WIPF1: variants seen among roughly 807,000 people sequenced by gnomAD.
WIPF1 encodes the protein WAS/WASL interacting protein family member 1.
A neutral mutation model predicts 35.4 loss-of-function variants in WIPF1; 13 were observed. The ratio of observed to expected loss-of-function variants is 0.37; its 90% CI spans 0.24 to 0.58. The LOEUF (loss-of-function observed/expected upper bound fraction) is 0.58. Among genes scored for constraint, WIPF1 ranks in the 20% least tolerant of loss-of-function variants. The probability of loss-of-function intolerance (pLI) is 0.74; values close to 1 mark genes in which losing one functional copy is unlikely to be tolerated. For synonymous variants in WIPF1, 267 were observed against 266.3 expected (o/e 1.00, Z -0.02); for missense variants, 591 against 667.0 (o/e 0.89, Z 1.25).
At chr2:174,678,079 G>C (rs548727106) in intron 1 of WIPF1, among the ~76,000 whole-genome samples, 1 of 152,078 alleles carries the variant, frequency 6.6e-6, no homozygotes, top group Admixed American at 6.5e-5. Context: ...TTACAGAAAG[G>C]GAAAGAGGGA....
chr2:174,662,254 G>A (rs1300440989), intron 1 of WIPF1, among the ~76,000 whole-genome samples: 3 of 152,208 alleles, frequency 2.0e-5, no homozygotes, highest in East Asian at 3.8e-4. Context: ...AGGGAATAAT[G>A]ACTATAGAAT....
At chr2:174,675,434 A>T (rs553096417) in intron 1 of WIPF1, among the ~76,000 whole-genome samples, 2 of 151,584 alleles carry the variant, frequency 1.3e-5, no homozygotes, top group Non-Finnish European at 2.9e-5. Context: ...ATAGCTTACT[A>T]TAACCTTAAA....
Position 174,571,539 on chromosome 2 carries a change from T to C in WIPF1, c.1129+137A>G, listed in dbSNP as rs1245010374. 8.4e-7 allele frequency: 1 copy of C among 1,188,878 alleles called. No individual in the cohort carries two copies. The highest frequency in any genetic ancestry group is 1.5e-5 in the African/African-American group (1 of 66,638). The allele number at this position is 1,188,878 out of a possible 1,614,324, so 73.6% of individuals were successfully genotyped here. ...TTACACGAGGTCACGATCACACGTG[T>C]CGTGTGCCACTTAAAAGCACAAAGC... On this transcript the variant is annotated intron_variant, in intron 5 of 7. Transcript: ENST00000679041. This position sits in a 1 kb window ranked among gnomAD's most constrained non-coding sequence, Gnocchi z 4.6.
At chr2:174,600,594 C>A (rs981954403), upstream of WIPF1, among the ~76,000 whole-genome samples, 5 of 152,174 alleles carry the variant, frequency 3.3e-5, no homozygotes, top group African/African-American at 1.2e-4. Flanking sequence ...TCTTTTTGTT[C>A]CTTTTTATTC....
intron 1 of WIPF1, among the ~76,000 whole-genome samples, chr2:174,635,207 T>C (rs1687149915): frequency 6.6e-6 from 1 of 152,238 alleles, no homozygotes; most frequent in Non-Finnish European, 1.5e-5. Flanking sequence ...ACAAAACCAC[T>C]GTATTCTCAG....
In WIPF1 at chr2:174,622,783, T is replaced by G. The variant is rs1418572487; in HGVS notation, c.-38-37172A>C. Reference sequence around the variant, plus strand: ...ACAATTTTTATTTTTGTTTTTAATTTTTGTGGGTACACAGTCTTTGTTTTG... The same window carrying G: ...ACAATTTTTATTTTTGTTTTTAATTGTTGTGGGTACACAGTCTTTGTTTTG... On this transcript the variant is annotated intron_variant, in intron 1 of 8. Coordinates refer to the WIPF1 transcript ENST00000272746. The surrounding 1 kb of genome is among the most constrained non-coding windows in gnomAD (Gnocchi z 5.1). Among the ~76,000 whole-genome samples the G allele has an allele frequency of 6.6e-6, 1 of 152,226 alleles. No individual in the cohort carries two copies. Among genetic ancestry groups the G allele is most frequent in the Non-Finnish European group, 1.5e-5 (1 of 68,042 alleles).
chr2:174,572,622 C>T (rs1684910479), intron 4 of WIPF1, among the ~76,000 whole-genome samples, 176 bp from the exon 5 acceptor site: 1 of 152,090 alleles, frequency 6.6e-6, no homozygotes, highest in Non-Finnish European at 1.5e-5. Context: ...GAAAATCGAC[C>T]ATAGCTCTAT....
chr2:174,628,557 G>C (rs552867617), intron 1 of WIPF1, among the ~76,000 whole-genome samples: 23 of 152,288 alleles, frequency 1.5e-4, no homozygotes, highest in African/African-American at 5.3e-4. Context: ...CTGTCTTCCA[G>C]GAATTACGTA....
intron 1 of WIPF1, among the ~76,000 whole-genome samples, chr2:174,619,074 C>T (rs1467061953): frequency 6.6e-6 from 1 of 152,066 alleles, no homozygotes; most frequent in East Asian, 1.9e-4. Context: ...CTACCTCAGC[C>T]TCCTGAGTAG....
chr2:174,608,125 G>C (rs910083523), intron 1 of WIPF1, among the ~76,000 whole-genome samples: 2 of 152,140 alleles, frequency 1.3e-5, no homozygotes, highest in Non-Finnish European at 2.9e-5. Context: ...TTCTCACGCA[G>C]GGCTGTTTGC....
intron 5 of WIPF1, among the ~76,000 whole-genome samples, chr2:174,569,516 C>T (rs2105800590): frequency 6.6e-6 from 1 of 152,308 alleles, no homozygotes; most frequent in East Asian, 1.9e-4. Context: ...AACTTCATCT[C>T]ATTTTCTTTT....
intron 1 of WIPF1, among the ~76,000 whole-genome samples, chr2:174,632,963 G>A (rs115659149): frequency 0.023 from 3,436 of 152,148 alleles, 125 homozygotes; most frequent in African/African-American, 0.076. Flanking sequence ...AGGTACAAGA[G>A]GCCTTCCTAC....
At chr2:174,596,103 C>T (rs1276321553) in intron 1 of WIPF1, among the ~76,000 whole-genome samples, 4 of 152,128 alleles carry the variant, frequency 2.6e-5, no homozygotes, top group African/African-American at 2.4e-5. Context: ...AGTTGCTGCT[C>T]GATCCCAGGA....
intron 1 of WIPF1, among the ~76,000 whole-genome samples, chr2:174,668,466 G>A (rs144498217): frequency 8.1e-4 from 124 of 152,250 alleles, no homozygotes; most frequent in African/African-American, 2.5e-3. Context: ...CCAGCTGAAC[G>A]TAACTTACTA....
rs1684453172 is a variant in WIPF1 at position 174,560,323 on chromosome 2, A to G, written c.*2224T>C. On this transcript the variant is annotated 3_prime_UTR_variant, in exon 8 of 8. Coordinates refer to ENST00000679041, the MANE Select transcript of WIPF1 (RefSeq NM_001375834.1). Reference sequence around the variant, plus strand: ...CAACTTTGAGCTATCACCCTGTTTCAGATTTAGAACGGTACCTGCCAAGTT... The same window carrying G: ...CAACTTTGAGCTATCACCCTGTTTCGGATTTAGAACGGTACCTGCCAAGTT... The G allele has an allele frequency of 6.6e-6, 1 of 152,616 alleles. No homozygotes were observed. Among genetic ancestry groups the G allele is most frequent in the Non-Finnish European group, 1.5e-5 (1 of 68,014 alleles). The allele number at this position is 152,616 out of a possible 1,614,324, so 9.5% of individuals were successfully genotyped here.
chr2:174,647,071 G>C (rs1244552316), intron 1 of WIPF1, among the ~76,000 whole-genome samples: 1 of 152,178 alleles, frequency 6.6e-6, no homozygotes, highest in Non-Finnish European at 1.5e-5. Context: ...AGGTGGTGAA[G>C]CACATACTTT....
At position 174,590,606 on chromosome 2, in the gene WIPF1, C is replaced by T. The variant is rs149509863; in HGVS notation, c.-38-4995G>A. 3.1e-4 allele frequency among the ~76,000 whole-genome samples: 47 copies of T among 152,248 alleles called. No homozygotes were observed. The highest frequency in any genetic ancestry group is 1.0e-3 in the African/African-American group (43 of 41,534). Reference sequence around the variant, plus strand: ...AAGGGAAGGGACTCAGCAGCAGTTTCCCAGTGTGGTCAGTCATCTCCTGCA... The same window carrying T: ...AAGGGAAGGGACTCAGCAGCAGTTTTCCAGTGTGGTCAGTCATCTCCTGCA... On this transcript the variant is annotated intron_variant, in intron 1 of 7. Coordinates refer to ENST00000679041, the MANE Select transcript of WIPF1 (RefSeq NM_001375834.1). This position sits in a 1 kb window ranked among gnomAD's most constrained non-coding sequence, Gnocchi z 4.6.
chr2:174,572,508 T>C (rs1307268878), intron 4 of WIPF1, 62 bp from the exon 5 acceptor site: 3 of 1,599,846 alleles, frequency 1.9e-6, no homozygotes. Context: ...ATCAGAGAGC[T>C]AGAGTCTGTT....
intron 1 of WIPF1, among the ~76,000 whole-genome samples, chr2:174,646,199 T>C (rs1399739415): frequency 2.6e-5 from 4 of 152,218 alleles, no homozygotes; most frequent in Non-Finnish European, 5.9e-5. Flanking sequence ...TTTCCTCACA[T>C]ATATGTAACA....
Sources: allele counts gnomAD v4.1 joint callset (sites outside exome capture counted in the v4.1 genomes callset), GRCh38; gene constraint gnomAD v4.1.1; non-coding constraint Gnocchi (gnomAD v3.1); transcripts MANE v1.5; gene names NCBI Gene and HGNC (gene_info 2026-07-23, HGNC 2026-07-21).